Variants in MACROH2A1 observed in about 807,000 individuals in gnomAD.
The protein encoded by MACROH2A1 is core histone macro-H2A.1.
Under a neutral mutation model 31.6 loss-of-function variants are expected in MACROH2A1, and 2 were observed. The ratio of observed to expected loss-of-function variants is 0.06; its 90% CI spans 0.03 to 0.20. The LOEUF (loss-of-function observed/expected upper bound fraction) is 0.20. MACROH2A1 is among the 10% of genes least tolerant of loss of function. The pLI is 1.00. For missense variants in MACROH2A1, 230 were observed against 474.0 expected, an observed-to-expected ratio of 0.49 and a Z score of 4.78; for synonymous variants, 169 against 189.6, an observed-to-expected ratio of 0.89 and a Z score of 0.89.
At chr5:135,346,236 C>G (rs1760817092) in intron 6 of MACROH2A1, 179 bp from the exon 7 acceptor site, 2 of 597,504 alleles carry the variant, frequency 3.3e-6, no homozygotes, top group South Asian at 3.9e-5. Context: ...TTGTCATCAC[C>G]AGTTACTACC....
intron 8 of MACROH2A1, among the ~76,000 whole-genome samples, chr5:135,335,899 G>A (rs1019313768): frequency 6.6e-6 from 1 of 152,194 alleles, no homozygotes; most frequent in African/African-American, 2.4e-5. Context: ...AGGGGACCCC[G>A]GAGGAGATGG....
chr5:135,348,155 C>T (rs910766415), intron 6 of MACROH2A1, among the ~76,000 whole-genome samples: 1 of 152,226 alleles, frequency 6.6e-6, no homozygotes, highest in African/African-American at 2.4e-5. Context: ...CAGGACTTGA[C>T]TCCTACACAC....
intron 4 of MACROH2A1, chr5:135,362,147 T>C (rs1272905192): frequency 6.6e-6 from 1 of 152,242 alleles, no homozygotes; most frequent in Non-Finnish European, 1.5e-5. Flanking sequence ...ACAAGTCAGG[T>C]GTTTTTAATC....
intron 4 of MACROH2A1, among the ~76,000 whole-genome samples, chr5:135,368,967 C>CT (rs1763853333): frequency 6.6e-6 from 1 of 152,238 alleles, no homozygotes; most frequent in African/African-American, 2.4e-5. Context: ...CTAGAGCGCC[C>CT]TGATGGAAGA....
intron 7 of MACROH2A1, chr5:135,345,709 A>C (rs1760727559): frequency 4.7e-6 from 2 of 424,084 alleles, no homozygotes; most frequent in South Asian, 7.3e-5. Flanking sequence ...AGCTCCTATA[A>C]TTTCTTAAAA....
chr5:135,343,176 C>T lies in MACROH2A1; in HGVS notation c.953+84G>A, dbSNP rs768345472. 3.9e-5 allele frequency: 62 copies of T among 1,602,746 alleles called. 1 individual carries two copies. The Middle Eastern group carries it at 9.9e-4, about 26-fold the overall frequency. On this transcript the variant is annotated intron_variant, in intron 8 of 8. Coordinates refer to ENST00000511689, the MANE Select transcript of MACROH2A1 (RefSeq NM_138610.3). ...TAAGGCAGCCTCCGTGGGCCTTGCA[C>T]AGAGTGAGAGCACCACAATTATGGG...
At chr5:135,388,342 G>A (rs1328756581) in intron 2 of MACROH2A1, among the ~76,000 whole-genome samples, 2 of 152,112 alleles carry the variant, frequency 1.3e-5, no homozygotes, top group Non-Finnish European at 2.9e-5. Context: ...AACCACGTCA[G>A]GTGCCTCCCG....
intron 4 of MACROH2A1, among the ~76,000 whole-genome samples, chr5:135,368,066 G>C (rs1342037020): frequency 6.6e-6 from 1 of 152,234 alleles, no homozygotes; most frequent in Non-Finnish European, 1.5e-5. Flanking sequence ...CTCAATATTG[G>C]GTTTCTCTCT....
At chr5:135,345,427 C>T (rs762019339) in intron 7 of MACROH2A1, 22 of 155,114 alleles carry the variant, frequency 1.4e-4, no homozygotes, top group Non-Finnish European at 2.9e-4. Context: ...GTGCTCTGTC[C>T]TGCACACCCC....
chr5:135,367,995 T>C (rs1763731974), intron 4 of MACROH2A1, among the ~76,000 whole-genome samples: 1 of 152,232 alleles, frequency 6.6e-6, no homozygotes, highest in Non-Finnish European at 1.5e-5. Flanking sequence ...GCCTCAAGCC[T>C]CTTCCAGGAC....
chr5:135,370,534 A>C (rs1009868022), intron 2 of MACROH2A1, among the ~76,000 whole-genome samples: 1 of 141,964 alleles, frequency 7.0e-6, no homozygotes, highest in Non-Finnish European at 1.5e-5. Context: ...CTGAGAGTAT[A>C]CCATGCCTGC....
In MACROH2A1 at chr5:135,369,258, C is replaced by T. The variant is rs1763893021; in HGVS notation, c.477+148G>A. On this transcript the variant is annotated intron_variant, in intron 4 of 8. Coordinates refer to ENST00000511689, the MANE Select transcript of MACROH2A1 (RefSeq NM_138610.3). The surrounding 1 kb of genome is among the most constrained non-coding windows in gnomAD (Gnocchi z 4.3). The stretch of plus-strand genomic sequence containing the variant: ...GGCTACTTGTGTTGGACTAGCCCCT[C>T]TGGAGAGTAATCAGCTCCTACATGT... 2 of 735,434 alleles carry T rather than the reference C, an allele frequency of 2.7e-6. No individual in the cohort carries two copies. Among genetic ancestry groups the T allele is most frequent in the Non-Finnish European group, 4.7e-6 (2 of 421,936 alleles). The allele number at this position is 735,434 out of a possible 1,614,324, so 45.6% of individuals were successfully genotyped here.
intron 5 of MACROH2A1, chr5:135,354,898 G>C: frequency 2.7e-6 from 1 of 368,742 alleles, no homozygotes; most frequent in South Asian, 2.1e-5. Flanking sequence ...AGAGGCAGGA[G>C]GTTGGTGAGG....
intron 5 of MACROH2A1, chr5:135,359,031 C>G: frequency 1.0e-6 from 1 of 985,392 alleles, no homozygotes. Flanking sequence ...AGAAGGGCAT[C>G]TGCATTTTGC....
chr5:135,374,381 T>C (rs760439927), intron 2 of MACROH2A1, among the ~76,000 whole-genome samples: 1 of 152,116 alleles, frequency 6.6e-6, no homozygotes, highest in South Asian at 2.1e-4. Context: ...CCAAAGGAGA[T>C]GTCCTGATGT....
intron 1 of MACROH2A1, among the ~76,000 whole-genome samples, chr5:135,394,770 G>A (rs1581386365): frequency 1.3e-5 from 2 of 152,040 alleles, no homozygotes; most frequent in African/African-American, 4.8e-5. Context: ...TTGATGAAAC[G>A]AACCAATTTG....
intron 5 of MACROH2A1, 96 bp downstream of exon 5, chr5:135,360,401 T>G: frequency 1.4e-5 from 11 of 812,930 alleles, no homozygotes. Flanking sequence ...AGGCTGGGAG[T>G]GGCCCCCGGG....
intron 6 of MACROH2A1, 24 bp downstream of exon 6, chr5:135,352,922 G>T: frequency 8.4e-7 from 1 of 1,187,380 alleles, no homozygotes; most frequent in Non-Finnish European, 1.3e-6. Flanking sequence ...ACAGCTGGTG[G>T]TGCCGAACCC....
intron 4 of MACROH2A1, among the ~76,000 whole-genome samples, chr5:135,364,943 ATATT>A (rs1411244219): frequency 6.6e-6 from 1 of 152,152 alleles, no homozygotes; most frequent in African/African-American, 2.4e-5. Flanking sequence ...GAGCAAGCCT[ATATT>A]TATGATCTAG....
Sources: allele counts gnomAD v4.1 joint callset (sites outside exome capture counted in the v4.1 genomes callset), GRCh38; gene constraint gnomAD v4.1.1; non-coding constraint Gnocchi (gnomAD v3.1); transcripts MANE v1.5; gene names NCBI Gene and HGNC (gene_info 2026-07-23, HGNC 2026-07-21).